The following STAG2 variants were observed in gnomAD, a reference collection of about 807,000 sequenced individuals.
STAG2 encodes the protein STAG2 cohesin complex component.
A neutral mutation model predicts 108.1 loss-of-function variants in STAG2; 14 were observed. The observed-to-expected ratio is 0.13, with a 90% CI of 0.09 to 0.20. STAG2 has a LOEUF of 0.20. Ranked by LOEUF, STAG2 falls within the 10% of genes least tolerant of loss-of-function variation. The pLI is 1.00. For missense variants in STAG2, 440 were observed against 940.9 expected (o/e 0.47, Z 6.96); for synonymous variants, 307 against 302.7 (o/e 1.01, Z -0.15).
intron 1 of STAG2, among the ~76,000 whole-genome samples, chrX:124,002,246 C>T (rs1339737279): frequency 9.0e-6 from 1 of 111,407 alleles, no homozygotes; most frequent in Non-Finnish European, 1.9e-5. Flanking sequence ...AACCCCATCT[C>T]CATTACCCTC....
At chrX:123,965,111 T>G (rs1341103027) in intron 1 of STAG2, among the ~76,000 whole-genome samples, 1 of 111,643 alleles carries the variant, frequency 9.0e-6, no homozygotes, top group Non-Finnish European at 1.9e-5. Flanking sequence ...CACCCCAATC[T>G]GGGAACAGAC....
In STAG2 at chrX:124,043,217, C is replaced by T. The variant is rs757331512; in HGVS notation, c.462+572C>T. On this transcript the variant is annotated intron_variant, in intron 7 of 34. Coordinates refer to ENST00000371145, the MANE Select transcript of STAG2 (RefSeq NM_001042750.2). ...GGCATGATCTCACTGCAACCTCTGC[C>T]TCCTGGGTTCAAGCAATTCTCCTGC... is the stretch of plus-strand genomic sequence containing the variant. 3.8e-5 allele frequency among the ~76,000 whole-genome samples: 4 copies of T among 105,496 alleles called. No individual in the cohort carries two copies. In the South Asian group the frequency reaches 1.4e-3, roughly 36 times the overall value. The allele number at this position is 105,496 out of a possible 115,157, so 91.6% of individuals were successfully genotyped here. A position where few individuals can be genotyped will look rare whatever the true frequency, so the allele number is the denominator to read the frequency against.
In STAG2 at chrX:123,973,540, C is replaced by CAAA. The variant is rs35943528; in HGVS notation, c.-163+11702_-163+11704dup. Among the ~76,000 whole-genome samples the CAAA allele has an allele frequency of 1.0e-3, 46 of 46,158 alleles. 1 individual carries two copies. Among genetic ancestry groups the CAAA allele is most frequent in the African/African-American group, 3.4e-3 (38 of 11,157 alleles). 40.1% of individuals were successfully genotyped at this position (46,158 alleles called of 115,157 possible). On this transcript the variant is annotated intron_variant, in intron 1 of 34. Transcript: ENST00000371145. ...CTGGCAACAGAGTGAGACTCTGTCT[C>CAAA]AAAAAAAAAAAAAAAAAAAATAGAC...
chrX:124,031,945 G>A (rs2057359611), intron 5 of STAG2, among the ~76,000 whole-genome samples: 1 of 109,402 alleles, frequency 9.1e-6, no homozygotes, highest in Admixed American at 9.8e-5. Flanking sequence ...GGCCAGGCTG[G>A]TCTCAAACTC....
chrX:124,050,457 T>G (rs918606267), intron 11 of STAG2, 148 bp downstream of exon 11: 1 of 615,708 alleles, frequency 1.6e-6, no homozygotes, highest in Non-Finnish European at 2.3e-6. Context: ...CTGTAAAAAC[T>G]TATTTTCTAT....
In STAG2 at chrX:124,068,547, T is replaced by C. The variant is rs776480244; in HGVS notation, c.2266-17T>C. The stretch of plus-strand genomic sequence containing the variant: ...TTATACAATATTTTTTAAAAGTTAA[T>C]GTTAAATTTTTTCAAGGAGGACTTG... On this transcript the variant is annotated splice_polypyrimidine_tract_variant and intron_variant, in intron 23 of 34. Transcript: ENST00000371145. 1 of 1,114,321 alleles carries C rather than the reference T, an allele frequency of 9.0e-7. No individual in the cohort carries two copies. The highest frequency in any genetic ancestry group is 2.0e-5 in the South Asian group (1 of 49,466). 91.8% of individuals were successfully genotyped at this position (1,114,321 alleles called of 1,213,427 possible).
At chrX:123,970,506 T>G (rs2054307763) in intron 1 of STAG2, among the ~76,000 whole-genome samples, 1 of 111,735 alleles carries the variant, frequency 8.9e-6, no homozygotes, top group Admixed American at 9.6e-5. Context: ...AATAAAGTTT[T>G]ACTTTTCACT....
intron 1 of STAG2, among the ~76,000 whole-genome samples, chrX:123,973,327 G>A (rs1167729346): frequency 9.2e-6 from 1 of 108,879 alleles, no homozygotes; most frequent in African/African-American, 3.3e-5. Context: ...CAGATCATGA[G>A]GTCAGGAGAT....
chrX:124,010,262 A>G (rs2056479593), intron 1 of STAG2, among the ~76,000 whole-genome samples: 1 of 111,527 alleles, frequency 9.0e-6, no homozygotes, highest in South Asian at 3.7e-4. Flanking sequence ...CAGAAACTCT[A>G]TACCTATTAA....
intron 5 of STAG2, among the ~76,000 whole-genome samples, chrX:124,036,300 C>T (rs780916398): frequency 8.9e-6 from 1 of 112,249 alleles, no homozygotes; most frequent in South Asian, 3.6e-4. Context: ...CCTCTCCCAA[C>T]CTTTTGTTTT....
rs768839819 is a variant in STAG2 at position 124,028,783 on chromosome X, C to CT, written c.124-2177dup. The stretch of plus-strand genomic sequence containing the variant: ...CTTGTTTTTGTACTGTCCAGGAGCT[C>CT]TAAGAATAGTTTATATATATATATA... On this transcript the variant is annotated intron_variant, in intron 4 of 34. Transcript: ENST00000371145. Among the ~76,000 whole-genome samples the CT allele has an allele frequency of 1.2e-4, 10 of 83,286 alleles. No individual in the cohort carries two copies. In the East Asian group the frequency reaches 1.9e-3, roughly 16 times the overall value. 72.3% of individuals were successfully genotyped at this position (83,286 alleles called of 115,157 possible).
At chrX:124,003,094 A>T (rs1036997861) in intron 1 of STAG2, among the ~76,000 whole-genome samples, 2 of 108,504 alleles carry the variant, frequency 1.8e-5, no homozygotes, top group Non-Finnish European at 3.8e-5. Flanking sequence ...CAGCCTCCCG[A>T]GTAGCTGGGA....
At chrX:124,082,501 A>G (rs2058986388) in intron 28 of STAG2, among the ~76,000 whole-genome samples, 6 of 111,581 alleles carry the variant, frequency 5.4e-5, no homozygotes. Flanking sequence ...TGTCTCTCTG[A>G]GGAAAATATG....
At chrX:124,052,595 TGTTATTGTCA>T (rs1381980991) in intron 13 of STAG2, among the ~76,000 whole-genome samples, 5 of 111,788 alleles carry the variant, frequency 4.5e-5, no homozygotes, top group East Asian at 2.8e-4. Context: ...TGTTTCCAAA[TGTTATTGTCA>T]GTTATTGTCA....
chrX:124,014,410 G>T (rs1379377796), intron 1 of STAG2, among the ~76,000 whole-genome samples: 1 of 110,422 alleles, frequency 9.1e-6, no homozygotes, highest in Non-Finnish European at 1.9e-5. Context: ...GCCCAGGCTG[G>T]AGTGCAGTGG....
chrX:124,066,832 A>G (rs1446796472), intron 23 of STAG2, among the ~76,000 whole-genome samples: 5 of 112,066 alleles, frequency 4.5e-5, no homozygotes, highest in Non-Finnish European at 9.4e-5. Flanking sequence ...GTGATGTTCC[A>G]AATTCATGAT....
At chrX:124,044,327 A>T (rs962921838) in intron 7 of STAG2, among the ~76,000 whole-genome samples, 1 of 111,932 alleles carries the variant, frequency 8.9e-6, no homozygotes, top group African/African-American at 3.2e-5. Context: ...AAATACCAAA[A>T]AAACTTTTTT....
intron 4 of STAG2, 44 bp from the exon 5 acceptor site, chrX:124,030,917 C>T (rs750963708): frequency 2.6e-6 from 3 of 1,147,542 alleles, no homozygotes; most frequent in East Asian, 3.1e-5. Flanking sequence ...TTTGAACTCT[C>T]AAGGATAGTG....
Position 124,088,913 on chromosome X carries a change from C to CTT in STAG2, c.3278-1648_3278-1647dup, listed in dbSNP as rs374005762. ...ACAGGTGTGAGCCACTGCGCCTGGCCTTTTTTTTTTTTTTTCTTTTGAGAT... is the reference window on the plus strand; with the variant it reads ...ACAGGTGTGAGCCACTGCGCCTGGCCTTTTTTTTTTTTTTTTTCTTTTGAGAT... On this transcript the variant is annotated intron_variant, in intron 30 of 34. Transcript: ENST00000371145. Among the ~76,000 whole-genome samples the CTT allele has an allele frequency of 3.9e-3, 305 of 78,043 alleles. 3 individuals are homozygous for CTT. The highest frequency in any genetic ancestry group is 7.4e-3 in the African/African-American group (153 of 20,715). The allele number at this position is 78,043 out of a possible 115,157, so 67.8% of individuals were successfully genotyped here.
Sources: gnomAD v4.1 joint callset for allele counts (sites outside exome capture counted in the v4.1 genomes callset) on GRCh38, gnomAD v4.1.1 for gene constraint, MANE v1.5 for transcripts, NCBI Gene and HGNC (gene_info 2026-07-23, HGNC 2026-07-21) for gene names.